The following CACNA1I variants were observed in gnomAD, a reference collection of about 807,000 sequenced individuals.
CACNA1I encodes calcium voltage-gated channel subunit alpha1 I.
A neutral mutation model predicts 201.6 loss-of-function variants in CACNA1I; 74 were observed. The ratio of observed to expected loss-of-function variants is 0.37; its 90% CI spans 0.30 to 0.45. The LOEUF is 0.45. CACNA1I is among the 20% of genes least tolerant of loss of function. The pLI is 1.00. For missense variants in CACNA1I, 2,346 were observed against 3,138.1 expected (o/e 0.75, Z 6.03); for synonymous variants, 1,431 against 1,345.2 (o/e 1.06, Z -1.40).
At chr22:39,668,470 CAATG>C (rs1361327974) in intron 24 of CACNA1I, 89 bp downstream of exon 24, 2 of 787,180 alleles carry the variant, frequency 2.5e-6, no homozygotes, top group African/African-American at 3.4e-5. Context: ...AAACTGGTGC[CAATG>C]AGTTCCACAG....
intron 4 of CACNA1I, among the ~76,000 whole-genome samples, chr22:39,619,696 T>C (rs1161104723): frequency 6.6e-6 from 1 of 151,826 alleles, no homozygotes; most frequent in African/African-American, 2.4e-5. Flanking sequence ...GGACGAAGAG[T>C]TTATGGGAGA....
intron 7 of CACNA1I, among the ~76,000 whole-genome samples, chr22:39,643,710 C>G (rs547464820): frequency 1.4e-4 from 22 of 152,328 alleles, no homozygotes; most frequent in African/African-American, 5.1e-4. Context: ...ACCTGAGACA[C>G]CTGCTGTTGT....
At position 39,665,476 on chromosome 22, in the gene CACNA1I, C is replaced by T; in HGVS notation, c.3852-22C>T. 6.2e-7 allele frequency: 1 copy of T among 1,612,800 alleles called. No homozygotes were observed. Among genetic ancestry groups the T allele is most frequent in the Non-Finnish European group, 8.5e-7 (1 of 1,179,486 alleles). On this transcript the variant is annotated intron_variant, in intron 21 of 36. Coordinates refer to ENST00000402142, the MANE Select transcript of CACNA1I (RefSeq NM_021096.4). This position sits in a 1 kb window ranked among gnomAD's most constrained non-coding sequence, Gnocchi z 5.5. ...TGGCCTGGCCAAGGGATTATGTGTGCCTGGCCTCTCCCTGCCGTCAGTGTC... is the reference window on the plus strand; with the variant it reads ...TGGCCTGGCCAAGGGATTATGTGTGTCTGGCCTCTCCCTGCCGTCAGTGTC...
chr22:39,650,332 A>G (rs1004434462), intron 10 of CACNA1I, among the ~76,000 whole-genome samples: 1 of 151,790 alleles, frequency 6.6e-6, no homozygotes, highest in Non-Finnish European at 1.5e-5. Flanking sequence ...TTTAAAAAAC[A>G]GATAGAGTCA....
intron 4 of CACNA1I, among the ~76,000 whole-genome samples, chr22:39,626,675 C>A (rs1036167476): frequency 2.6e-5 from 4 of 152,136 alleles, no homozygotes; most frequent in African/African-American, 9.7e-5. Flanking sequence ...CGGCTCACTG[C>A]AACCTCCGCC....
At position 39,648,565 on chromosome 22, in the gene CACNA1I, C is replaced by T. The variant is rs914653682; in HGVS notation, c.1567+639C>T. On this transcript the variant is annotated intron_variant, in intron 9 of 36. Coordinates refer to ENST00000402142, the MANE Select transcript of CACNA1I (RefSeq NM_021096.4). The surrounding 1 kb of genome is among the most constrained non-coding windows in gnomAD (Gnocchi z 5.4). ...ACTGACCCCTGGGTTCCTGGCTGCCCGCCCTGACTCCAGAGGTGTGAATGA... is the reference window on the plus strand; with the variant it reads ...ACTGACCCCTGGGTTCCTGGCTGCCTGCCCTGACTCCAGAGGTGTGAATGA... 2.0e-4 allele frequency among the ~76,000 whole-genome samples: 30 copies of T among 152,106 alleles called. No homozygotes were observed. The highest frequency in any genetic ancestry group is 6.3e-4 in the African/African-American group (26 of 41,410).
intron 29 of CACNA1I, among the ~76,000 whole-genome samples, chr22:39,674,550 A>C (rs1243706316): frequency 6.6e-6 from 1 of 152,166 alleles, no homozygotes; most frequent in Non-Finnish European, 1.5e-5. Flanking sequence ...GGATCTGAGA[A>C]GTTAGGGAAG....
chr22:39,661,697 G>C (rs571219053), intron 16 of CACNA1I, among the ~76,000 whole-genome samples: 1 of 152,384 alleles, frequency 6.6e-6, no homozygotes, highest in African/African-American at 2.4e-5. Context: ...ATGGGAAGAT[G>C]GCCCTAACTT....
At chr22:39,623,949 G>T (rs1403979889) in intron 4 of CACNA1I, among the ~76,000 whole-genome samples, 1 of 147,432 alleles carries the variant, frequency 6.8e-6, no homozygotes, top group Non-Finnish European at 1.5e-5. Flanking sequence ...GCCTGTGAGG[G>T]TGTGTGTGAA....
At chr22:39,592,778 C>T (rs1932837365) in intron 1 of CACNA1I, among the ~76,000 whole-genome samples, 1 of 152,358 alleles carries the variant, frequency 6.6e-6, no homozygotes, top group East Asian at 1.9e-4. Flanking sequence ...CAGAGAGTTC[C>T]TCAACACTTG....
rs957972648 is a variant in CACNA1I, at chr22:39,689,003, A to G, written c.*2598A>G. ...ATGAGAACCAGGGAAGCTGTGATCC[A>G]CTGGCCAGGACAAGTCAACATGGGT... On this transcript the variant is annotated 3_prime_UTR_variant, in exon 37 of 37. Transcript: ENST00000402142. 1 of 152,714 alleles carries G rather than the reference A, an allele frequency of 6.5e-6. No individual in the cohort carries two copies. The highest frequency in any genetic ancestry group is 6.5e-5 in the Admixed American group (1 of 15,288). 9.5% of individuals were successfully genotyped at this position (152,714 alleles called of 1,614,324 possible).
Position 39,606,122 on chromosome 22 carries a change from G to T in CACNA1I, c.482+5469G>T, listed in dbSNP as rs576234831. 3.3e-5 allele frequency among the ~76,000 whole-genome samples: 5 copies of T among 152,256 alleles called. No homozygotes were observed. In the East Asian group the frequency reaches 7.7e-4, roughly 23 times the overall value. ...CCCTTATCTGCTGGACTCGCTTCAG[G>T]CTGTCTCTGTCCCTGGCAGGAGAAC... On this transcript the variant is annotated intron_variant, in intron 3 of 36. Coordinates refer to ENST00000402142, the MANE Select transcript of CACNA1I (RefSeq NM_021096.4).
chr22:39,637,665 G>A (rs907420558), intron 5 of CACNA1I, among the ~76,000 whole-genome samples: 6 of 152,148 alleles, frequency 3.9e-5, no homozygotes, highest in Non-Finnish European at 7.3e-5. Flanking sequence ...CTCACTCAGC[G>A]GAATACTCAC....
intron 5 of CACNA1I, among the ~76,000 whole-genome samples, chr22:39,639,455 G>A (rs1569074942): frequency 1.3e-5 from 2 of 152,042 alleles, no homozygotes; most frequent in Middle Eastern, 3.4e-3. Flanking sequence ...TTCTTATAAC[G>A]TTTTTGTGGT....
At chr22:39,639,052 T>C (rs1934291446) in intron 5 of CACNA1I, among the ~76,000 whole-genome samples, 1 of 152,220 alleles carries the variant, frequency 6.6e-6, no homozygotes, top group African/African-American at 2.4e-5. Context: ...TTACCTCTTA[T>C]CTCCTTTGTA....
At position 39,664,874 on chromosome 22, in the gene CACNA1I, T is replaced by C; in HGVS notation, c.3802T>C (p.Leu1268=). 1 of 1,613,052 alleles carries C rather than the reference T, an allele frequency of 6.2e-7. No homozygotes were observed. The highest frequency in any genetic ancestry group is 1.3e-5 in the African/African-American group (1 of 75,030). ...GGCCTCAGCCGGGGGAGCCAAGATC[T>C]TGGGGGTCCTCCGAGTCTTGCGGCT... ...SLASAGGAKI[L]GVLRVLRLLR... is the part of the protein sequence containing the mutation. The change falls in exon 21 of 37, where the codon TTG becomes CTG. Residue 1268 remains leucine (L), a synonymous_variant. Coordinates refer to ENST00000402142, the MANE Select transcript of CACNA1I (RefSeq NM_021096.4).
chr22:39,574,030 G>A (rs557524927), intron 1 of CACNA1I, among the ~76,000 whole-genome samples: 5 of 152,272 alleles, frequency 3.3e-5, no homozygotes, highest in East Asian at 3.9e-4. Flanking sequence ...TTCAGGTCTC[G>A]GCCTTAACTG....
chr22:39,597,149 G>A (rs997111122), intron 1 of CACNA1I, among the ~76,000 whole-genome samples: 1 of 152,256 alleles, frequency 6.6e-6, no homozygotes, highest in African/African-American at 2.4e-5. Flanking sequence ...ACAGATTTTC[G>A]AAGGCCCCAG....
At chr22:39,657,374 G>A (rs973128810) in intron 10 of CACNA1I, among the ~76,000 whole-genome samples, 6 of 152,194 alleles carry the variant, frequency 3.9e-5, no homozygotes, top group Admixed American at 2.0e-4. Context: ...TCCGAGAGCT[G>A]CTGGGAGTGC....
Sources: gnomAD v4.1 joint callset for allele counts (sites outside exome capture counted in the v4.1 genomes callset) on GRCh38, gnomAD v4.1.1 for gene constraint, Gnocchi (gnomAD v3.1) non-coding constraint, MANE v1.5 for transcripts, NCBI Gene and HGNC (gene_info 2026-07-23, HGNC 2026-07-21) for gene names.